The following RAP1GAP2 variants were observed in gnomAD, a reference collection of about 807,000 sequenced individuals.
The protein encoded by RAP1GAP2 is rap1 GTPase-activating protein 2.
RAP1GAP2 carries 27 observed loss-of-function variants against 95.0 expected under a neutral mutation model. That is an observed-to-expected ratio of 0.28 (90% CI 0.21 to 0.39). The LOEUF is 0.39. Ranked by LOEUF, RAP1GAP2 falls within the 10% of genes least tolerant of loss-of-function variation. The probability of loss-of-function intolerance (pLI) is 1.00; values close to 1 mark genes in which losing one functional copy is unlikely to be tolerated. For missense variants in RAP1GAP2, 771 were observed against 970.0 expected (o/e 0.79, Z 2.72); for synonymous variants, 373 against 380.9 (o/e 0.98, Z 0.24).
intron 3 of RAP1GAP2, among the ~76,000 whole-genome samples, chr17:2,931,280 T>TTG (rs34690298): frequency 0.033 from 4,778 of 146,706 alleles, 170 homozygotes; most frequent in South Asian, 0.094. Flanking sequence ...TGAGTGTTTC[T>TTG]TGTGTGTGTG....
At chr17:2,792,332 C>A (rs1196844426), upstream of RAP1GAP2, among the ~76,000 whole-genome samples, 1 of 152,194 alleles carries the variant, frequency 6.6e-6, no homozygotes, top group East Asian at 1.9e-4. Context: ...CCCGTGACGG[C>A]CTTGGAGCCC....
At position 3,032,021 on chromosome 17, in the gene RAP1GAP2, C is replaced by T. The variant is rs35819636; in HGVS notation, c.2185-390C>T. Among the ~76,000 whole-genome samples, 423 of 128,894 alleles carry T rather than the reference C, an allele frequency of 3.3e-3. 1 individual carries two copies. Among genetic ancestry groups the T allele is most frequent in the Middle Eastern group, 0.01 (2 of 200 alleles). The allele number at this position is 128,894 out of a possible 152,430, so 84.6% of individuals were successfully genotyped here. A position where few individuals can be genotyped will look rare whatever the true frequency, so the allele number is the denominator to read the frequency against. ...TCTCCAGACTATCGAGAGCTCCAGG[C>T]CCAGTTGTGAGGTGGGAAGGGCTGG... On this transcript the variant is annotated intron_variant, in intron 23 of 24. Transcript: ENST00000254695.
intron 2 of RAP1GAP2, among the ~76,000 whole-genome samples, chr17:2,803,555 A>T (rs975496689): frequency 2.6e-5 from 4 of 152,220 alleles, no homozygotes; most frequent in Non-Finnish European, 4.4e-5. Flanking sequence ...AAAGGAGAAC[A>T]AAGTTGGTGC....
chr17:3,006,047 A>T lies in RAP1GAP2; in HGVS notation c.1359+6A>T. ...ACAAGTTTGCAAAGCTGGAGGTGAGAGTGTGGTTTCTGAAGGTCTCCCTCC... is the reference window on the plus strand; with the variant it reads ...ACAAGTTTGCAAAGCTGGAGGTGAGTGTGTGGTTTCTGAAGGTCTCCCTCC... On this transcript the variant is annotated splice_donor_region_variant and intron_variant, in intron 16 of 24. Transcript: ENST00000254695. The T allele has an allele frequency of 6.7e-7, 1 of 1,499,098 alleles. No homozygotes were observed. 92.9% of individuals were successfully genotyped at this position (1,499,098 alleles called of 1,614,324 possible).
At position 3,027,117 on chromosome 17, in the gene RAP1GAP2, T is replaced by C. The variant is rs1488371529; in HGVS notation, c.2107+47T>C. The C allele has an allele frequency of 6.5e-7, 1 of 1,529,256 alleles. No homozygotes were observed. Among genetic ancestry groups the C allele is most frequent in the Non-Finnish European group, 8.8e-7 (1 of 1,133,308 alleles). The allele number at this position is 1,529,256 out of a possible 1,614,324, so 94.7% of individuals were successfully genotyped here. A position where few individuals can be genotyped will look rare whatever the true frequency, so the allele number is the denominator to read the frequency against. ...GTGTGACGTCACCAGGAGGGCAGGC[T>C]GTGCCCTGTCCACTGTTAGCAGGGC... On this transcript the variant is annotated intron_variant, in intron 22 of 24. Coordinates refer to ENST00000254695, the MANE Select transcript of RAP1GAP2 (RefSeq NM_015085.5). The surrounding 1 kb of genome is among the most constrained non-coding windows in gnomAD (Gnocchi z 5.2).
intron 3 of RAP1GAP2, among the ~76,000 whole-genome samples, chr17:2,939,882 C>T (rs1460935459): frequency 5.3e-5 from 8 of 152,264 alleles, no homozygotes; most frequent in African/African-American, 1.9e-4. Flanking sequence ...CAAAGGTCAG[C>T]GCTAGTCAGC....
At chr17:2,877,250 T>G (rs556676135) in intron 2 of RAP1GAP2, among the ~76,000 whole-genome samples, 20 of 152,196 alleles carry the variant, frequency 1.3e-4, no homozygotes, top group Non-Finnish European at 2.5e-4. Context: ...GCCTCCATGA[T>G]GCATCCAGAG....
At chr17:2,896,611 G>T (rs775069442) in intron 2 of RAP1GAP2, among the ~76,000 whole-genome samples, 34 of 152,214 alleles carry the variant, frequency 2.2e-4, no homozygotes, top group African/African-American at 8.2e-4. Context: ...TGCCCATGTG[G>T]GTAGATTGGT....
intron 2 of RAP1GAP2, among the ~76,000 whole-genome samples, chr17:2,865,388 G>C (rs2072578473): frequency 6.6e-6 from 1 of 152,138 alleles, no homozygotes; most frequent in South Asian, 2.1e-4. Flanking sequence ...GCTAAGGGGA[G>C]GGTGGAGCCT....
intron 2 of RAP1GAP2, among the ~76,000 whole-genome samples, chr17:2,858,764 A>G (rs910329584): frequency 1.3e-5 from 2 of 152,058 alleles, no homozygotes; most frequent in East Asian, 1.9e-4. Flanking sequence ...ATAAAAAAAC[A>G]TAGCTGAGCA....
intron 8 of RAP1GAP2, among the ~76,000 whole-genome samples, chr17:2,976,500 G>T (rs2045127762): frequency 6.6e-6 from 1 of 152,102 alleles, no homozygotes; most frequent in South Asian, 2.1e-4. Flanking sequence ...AAAATATTTA[G>T]AACTAAATGA....
At chr17:2,929,827 G>A (rs569084885) in intron 3 of RAP1GAP2, among the ~76,000 whole-genome samples, 3 of 152,270 alleles carry the variant, frequency 2.0e-5, no homozygotes, top group African/African-American at 4.8e-5. Context: ...CTGAGGGTGC[G>A]TGCCCAGCCT....
intron 2 of RAP1GAP2, among the ~76,000 whole-genome samples, chr17:2,872,617 C>G (rs1171393264): frequency 1.3e-5 from 2 of 151,956 alleles, no homozygotes; most frequent in Non-Finnish European, 2.9e-5. Context: ...TCATGGCTTC[C>G]TTTTGTTAGG....
intron 11 of RAP1GAP2, among the ~76,000 whole-genome samples, chr17:2,989,758 T>C (rs933907000): frequency 2.0e-5 from 3 of 152,152 alleles, no homozygotes; most frequent in Non-Finnish European, 4.4e-5. Context: ...TAATTCATAA[T>C]GTTATGTAAT....
At chr17:2,955,218 A>G (rs2044066540) in intron 3 of RAP1GAP2, among the ~76,000 whole-genome samples, 1 of 152,176 alleles carries the variant, frequency 6.6e-6, no homozygotes, top group African/African-American at 2.4e-5. Flanking sequence ...GATTTTCCAC[A>G]ATGGCTGTAC....
intron 2 of RAP1GAP2, among the ~76,000 whole-genome samples, chr17:2,878,705 C>T (rs1005973274): frequency 1.3e-5 from 2 of 152,222 alleles, no homozygotes; most frequent in African/African-American, 4.8e-5. Flanking sequence ...GGAAGCCAGC[C>T]AACCCTGGCT....
At chr17:2,934,674 AC>A (rs1326926914) in intron 3 of RAP1GAP2, among the ~76,000 whole-genome samples, 1 of 152,208 alleles carries the variant, frequency 6.6e-6, no homozygotes, top group Non-Finnish European at 1.5e-5. Flanking sequence ...CTCTCATTTA[AC>A]AACTCTGAAA....
At chr17:2,815,456 ATATTATTAT>A (rs10675930) in intron 2 of RAP1GAP2, among the ~76,000 whole-genome samples, 28,181 of 140,016 alleles carry the variant, frequency 0.2, 3,022 homozygotes, top group Admixed American at 0.31. Flanking sequence ...AACATCTCTG[ATATTATTAT>A]TATTATTATT....
intron 2 of RAP1GAP2, among the ~76,000 whole-genome samples, chr17:2,841,221 T>C: frequency 6.6e-6 from 1 of 152,102 alleles, no homozygotes; most frequent in Admixed American, 6.6e-5. Context: ...AAACATGAAG[T>C]CTTTTCAGTA....
Sources: allele counts gnomAD v4.1 joint callset (sites outside exome capture counted in the v4.1 genomes callset), GRCh38; gene constraint gnomAD v4.1.1; non-coding constraint Gnocchi (gnomAD v3.1); transcripts MANE v1.5; gene names NCBI Gene and HGNC (gene_info 2026-07-23, HGNC 2026-07-21).